EVL: variants seen among roughly 807,000 people sequenced by gnomAD.
EVL encodes ena/VASP-like protein.
A neutral mutation model predicts 59.6 loss-of-function variants in EVL; 21 were observed. The ratio of observed to expected loss-of-function variants is 0.35; its 90% CI spans 0.25 to 0.51. The LOEUF (loss-of-function observed/expected upper bound fraction) is 0.51, where lower values mean the gene tolerates loss of function less well. Among genes scored for constraint, EVL ranks in the 20% least tolerant of loss-of-function variants. The pLI is 0.97. For synonymous variants in EVL, 198 were observed against 203.5 expected, an observed-to-expected ratio of 0.97 and a Z score of 0.23; for missense variants, 462 against 546.6, an observed-to-expected ratio of 0.85 and a Z score of 1.54.
intron 4 of EVL, among the ~76,000 whole-genome samples, chr14:100,125,135 C>T (rs1007644478): frequency 7.0e-6 from 1 of 143,496 alleles, no homozygotes; most frequent in Non-Finnish European, 1.5e-5. Context: ...CACACACACA[C>T]ACACACACAC....
rs1405288899 is a variant in EVL at position 100,127,610 on chromosome 14, A to G, written c.487+839A>G. Among the ~76,000 whole-genome samples, 1 of 151,666 alleles carries G rather than the reference A, an allele frequency of 6.6e-6. No homozygotes were observed. Among genetic ancestry groups the G allele is most frequent in the Non-Finnish European group, 1.5e-5 (1 of 67,912 alleles). ...GCCTGTGCCTGCCCTCTCTCCCTCTAGTGCCTCGCAAGCACTTCCCATCCT... is the reference window on the plus strand; with the variant it reads ...GCCTGTGCCTGCCCTCTCTCCCTCTGGTGCCTCGCAAGCACTTCCCATCCT... On this transcript the variant is annotated intron_variant, in intron 5 of 13. Transcript: ENST00000392920. This position sits in a 1 kb window ranked among gnomAD's most constrained non-coding sequence, Gnocchi z 4.2.
At chr14:100,063,484 G>C (rs939233535), upstream of EVL, among the ~76,000 whole-genome samples, 4 of 152,128 alleles carry the variant, frequency 2.6e-5, no homozygotes, top group African/African-American at 9.7e-5. Flanking sequence ...CTCAGTTTGT[G>C]GTAATTTGTT....
In EVL at chr14:99,972,131, G is replaced by GC. The variant is rs1326738888; in HGVS notation, c.5+79dup. The GC allele has an allele frequency of 2.3e-5, 7 of 308,142 alleles. No individual in the cohort carries two copies. The highest frequency in any genetic ancestry group is 4.2e-5 in the Non-Finnish European group (7 of 167,730). 19.1% of individuals were successfully genotyped at this position (308,142 alleles called of 1,614,324 possible). On this transcript the variant is annotated intron_variant, in intron 1 of 13. Coordinates refer to the EVL transcript ENST00000402714. The surrounding 1 kb of genome is among the most constrained non-coding windows in gnomAD (Gnocchi z 4.4). ...AGGGGCTGGGCTGGGGGCCCGCGGT[G>GC]CCCCCGAGGGCGGGAGGGGGGCTCC... is the stretch of plus-strand genomic sequence containing the variant.
At chr14:100,132,493 C>T (rs1888498141) in intron 7 of EVL, among the ~76,000 whole-genome samples, 1 of 152,164 alleles carries the variant, frequency 6.6e-6, no homozygotes, top group Non-Finnish European at 1.5e-5. Flanking sequence ...TCTGCCTAGA[C>T]CAGTTTTGTG....
Position 100,141,868 on chromosome 14 carries a change from G to T in EVL, c.1219+75G>T, listed in dbSNP as rs1456643730. ...CAAGGGTCCCTGTCACCCAGGCTGG[G>T]GGCCTCCAGTTTTGAGCTGGAGCCC... On this transcript the variant is annotated intron_variant, in intron 13 of 13. Transcript: ENST00000392920. 13 of 1,438,836 alleles carry T rather than the reference G, an allele frequency of 9.0e-6. No individual in the cohort carries two copies. The African/African-American group carries it at 1.1e-4, about 13-fold the overall frequency. The allele number at this position is 1,438,836 out of a possible 1,614,324, so 89.1% of individuals were successfully genotyped here.
intron 1 of EVL, among the ~76,000 whole-genome samples, chr14:100,079,914 T>C (rs775338839): frequency 3.3e-5 from 5 of 152,140 alleles, no homozygotes; most frequent in Non-Finnish European, 7.4e-5. Context: ...TCCTCCTGAG[T>C]AGCTGGGACT....
intron 1 of EVL, among the ~76,000 whole-genome samples, chr14:100,003,934 G>T (rs2060962277): frequency 6.6e-6 from 1 of 152,202 alleles, no homozygotes; most frequent in African/African-American, 2.4e-5. Context: ...GACAGATGCG[G>T]TGGCTCACAC....
At chr14:100,093,605 A>G (rs1397367528) in intron 2 of EVL, among the ~76,000 whole-genome samples, 1 of 152,216 alleles carries the variant, frequency 6.6e-6, no homozygotes, top group Non-Finnish European at 1.5e-5. Flanking sequence ...TCAGCGACCA[A>G]GCATGTGTGG....
chr14:100,015,198 A>G lies in EVL; in HGVS notation c.5+43141A>G, dbSNP rs368899258. 1.3e-4 allele frequency among the ~76,000 whole-genome samples: 20 copies of G among 152,346 alleles called. No individual in the cohort carries two copies. In the South Asian group the frequency reaches 2.1e-3, roughly 16 times the overall value. ...TTAAACTCTCTGTTTATTGGCCTCC[A>G]AGTGAACTGTAATGAGATTCAGTAC... On this transcript the variant is annotated intron_variant, in intron 1 of 13. Transcript: ENST00000402714.
At chr14:100,065,546 T>G in intron 1 of EVL, 35 bp downstream of exon 1, 1 of 1,329,284 alleles carries the variant, frequency 7.5e-7, no homozygotes, top group Non-Finnish European at 1.0e-6. Flanking sequence ...GACAGAGGGA[T>G]GTCAAGAGGA....
At chr14:100,138,743 G>A (rs990628265) in intron 11 of EVL, 4 of 152,410 alleles carry the variant, frequency 2.6e-5, no homozygotes, top group African/African-American at 9.6e-5. Flanking sequence ...GGGGTGCTCT[G>A]GACAGGGTGC....
At chr14:100,060,666 G>A (rs112317559), upstream of EVL, among the ~76,000 whole-genome samples, 161 of 152,198 alleles carry the variant, frequency 1.1e-3, 2 homozygotes, top group Middle Eastern at 3.4e-3. Flanking sequence ...CAGAGGAAGA[G>A]GAGAAAGAGA....
intron 1 of EVL, among the ~76,000 whole-genome samples, chr14:99,988,062 G>T (rs2060850840): frequency 6.6e-6 from 1 of 151,750 alleles, no homozygotes; most frequent in African/African-American, 2.4e-5. Context: ...TTACAGGCAT[G>T]CACCACCACA....
intron 4 of EVL, among the ~76,000 whole-genome samples, chr14:100,125,352 T>G (rs1888004727): frequency 6.6e-6 from 1 of 151,916 alleles, no homozygotes; most frequent in South Asian, 2.1e-4. Flanking sequence ...GGGGCAAGAC[T>G]TACTCAGTGA....
chr14:100,129,078 T>G (rs1270478875), intron 6 of EVL, among the ~76,000 whole-genome samples: 1 of 152,236 alleles, frequency 6.6e-6, no homozygotes, highest in Non-Finnish European at 1.5e-5. Flanking sequence ...GACTCAAGCC[T>G]GGGTCTCCTG....
chr14:100,021,516 C>G (rs187124714), intron 1 of EVL, among the ~76,000 whole-genome samples: 150 of 152,202 alleles, frequency 9.9e-4, no homozygotes, highest in Admixed American at 4.6e-3. Flanking sequence ...GTGGGGGCCC[C>G]GTGATCATGG....
chr14:100,009,076 T>C (rs2061000786), intron 1 of EVL, among the ~76,000 whole-genome samples: 1 of 152,240 alleles, frequency 6.6e-6, no homozygotes, highest in Non-Finnish European at 1.5e-5. Context: ...CTCTTAGGCA[T>C]ATGTTTGTGC....
intron 2 of EVL, among the ~76,000 whole-genome samples, chr14:100,096,605 C>T (rs1885829905): frequency 6.6e-6 from 1 of 152,184 alleles, no homozygotes; most frequent in Admixed American, 6.5e-5. Flanking sequence ...TGACTCCAAG[C>T]TAGAAGGGAT....
intron 3 of EVL, among the ~76,000 whole-genome samples, chr14:100,103,618 T>C (rs562625435): frequency 2.0e-4 from 30 of 152,274 alleles, no homozygotes; most frequent in Non-Finnish European, 3.5e-4. Flanking sequence ...TGGCCCCCCA[T>C]GCCCACCCCA....
Sources: allele counts gnomAD v4.1 joint callset (sites outside exome capture counted in the v4.1 genomes callset), GRCh38; gene constraint gnomAD v4.1.1; non-coding constraint Gnocchi (gnomAD v3.1); transcripts MANE v1.5; gene names NCBI Gene and HGNC (gene_info 2026-07-23, HGNC 2026-07-21).